TP53BP2: variants seen among roughly 807,000 people sequenced by gnomAD.
The protein encoded by TP53BP2 is tumor protein p53 binding protein 2.
Under a neutral mutation model 126.2 loss-of-function variants are expected in TP53BP2, and 62 were observed. The ratio of observed to expected loss-of-function variants is 0.49; its 90% CI spans 0.40 to 0.61. TP53BP2 has a LOEUF of 0.61. TP53BP2 is among the 20% of genes least tolerant of loss of function. The pLI, the probability that TP53BP2 is intolerant of heterozygous loss-of-function variation, is 0.00. For missense variants in TP53BP2, 1,215 were observed against 1,402.8 expected, an observed-to-expected ratio of 0.87 and a Z score of 2.14; for synonymous variants, 485 against 502.9, an observed-to-expected ratio of 0.96 and a Z score of 0.48.
chr1:223,821,950 G>A (rs1435189549), intron 1 of TP53BP2, among the ~76,000 whole-genome samples: 3 of 150,480 alleles, frequency 2.0e-5, no homozygotes, highest in Non-Finnish European at 2.9e-5. Context: ...GGAGCACAGT[G>A]GCATGATCTC....
rs1661944919 is a variant in TP53BP2 at position 223,786,108 on chromosome 1, G to C, written c.3164-1794C>G. Among the ~76,000 whole-genome samples, 3 of 152,138 alleles carry C rather than the reference G, an allele frequency of 2.0e-5. 1 individual carries two copies. Among genetic ancestry groups the C allele is most frequent in the Admixed American group, 2.0e-4 (3 of 15,276 alleles). On this transcript the variant is annotated intron_variant, in intron 16 of 17. Transcript: ENST00000343537. ...AACTACAGCTACAGGCAACACGAGT[G>C]AATCTCAAAAACCATGTTGAATGAG...
intron 2 of TP53BP2, among the ~76,000 whole-genome samples, chr1:223,818,973 A>C (rs1320247608): frequency 6.6e-6 from 1 of 151,446 alleles, no homozygotes; most frequent in Non-Finnish European, 1.5e-5. Context: ...CACCTGAGAT[A>C]GGGAGTTCGA....
At chr1:223,795,151 T>C (rs1339964105) in intron 13 of TP53BP2, among the ~76,000 whole-genome samples, 6 of 152,048 alleles carry the variant, frequency 3.9e-5, no homozygotes, top group African/African-American at 1.4e-4. Flanking sequence ...CTGGAAGGAG[T>C]GTAGAAGGTG....
chr1:223,788,095 C>T (rs1201550717), intron 16 of TP53BP2, among the ~76,000 whole-genome samples: 2 of 151,340 alleles, frequency 1.3e-5, no homozygotes, highest in Non-Finnish European at 2.9e-5. Context: ...TCACAAATAT[C>T]AGCAATTAAA....
chr1:223,810,325 GGCCATCCTTA>G (rs1377869086), intron 4 of TP53BP2, 96 bp downstream of exon 4: 4 of 701,956 alleles, frequency 5.7e-6, no homozygotes, highest in African/African-American at 5.4e-5. Flanking sequence ...TTTAAAAAGC[GGCCATCCTTA>G]GCCCATTGAA....
intron 4 of TP53BP2, among the ~76,000 whole-genome samples, chr1:223,809,037 C>T (rs370182530): frequency 3.3e-5 from 5 of 152,118 alleles, no homozygotes; most frequent in African/African-American, 1.2e-4. Flanking sequence ...GCTTTGGAAA[C>T]ACTTTGCAGC....
Position 223,816,293 on chromosome 1 carries a change from C to T in TP53BP2, c.176-1940G>A, listed in dbSNP as rs530948548. Among the ~76,000 whole-genome samples, 5 of 152,146 alleles carry T rather than the reference C, an allele frequency of 3.3e-5. No individual in the cohort carries two copies. In the South Asian group the frequency reaches 1.0e-3, roughly 32 times the overall value. ...CCGAGAAATATTCACTAAGCAAATA[C>T]ACGAGTGGGTAGTGAGGAAATGCAA... On this transcript the variant is annotated intron_variant, in intron 2 of 17. Coordinates refer to ENST00000343537, the MANE Select transcript of TP53BP2 (RefSeq NM_001031685.3).
At chr1:223,800,602 G>C in intron 10 of TP53BP2, 98 bp downstream of exon 10, 1 of 904,962 alleles carries the variant, frequency 1.1e-6, no homozygotes. Flanking sequence ...AACAAAAAAA[G>C]GAAGAAAGAA....
At chr1:223,842,983 T>C (rs188416949) in intron 1 of TP53BP2, among the ~76,000 whole-genome samples, 1 of 152,340 alleles carries the variant, frequency 6.6e-6, no homozygotes. Flanking sequence ...AGAGTAATTA[T>C]CAATCCCATT....
intron 13 of TP53BP2, 64 bp downstream of exon 13, chr1:223,795,751 C>G: frequency 7.3e-7 from 1 of 1,369,398 alleles, no homozygotes; most frequent in Non-Finnish European, 9.5e-7. Context: ...TGAATGTGAC[C>G]ACCAAGAAAA....
chr1:223,837,166 G>T (rs576509481), intron 1 of TP53BP2, among the ~76,000 whole-genome samples: 1 of 122,792 alleles, frequency 8.1e-6, no homozygotes, highest in Non-Finnish European at 1.7e-5. Flanking sequence ...GGGGGGGGGC[G>T]GGGGGTCAAG....
chr1:223,783,251 C>T (rs1350183605), intron 17 of TP53BP2, among the ~76,000 whole-genome samples: 1 of 152,156 alleles, frequency 6.6e-6, no homozygotes, highest in Non-Finnish European at 1.5e-5. Flanking sequence ...ATTCTCCAGC[C>T]CTCCCCACGT....
chr1:223,802,153 C>T lies in TP53BP2; in HGVS notation c.1188G>A (p.Leu396=). ...ASEGPMKIQT[L]PNMRSGAASQ... ...AAGCAGCCCCAGATCTCATGTTGGG[C>T]AGTGTCTGTATTTTCATCGGCCCCT... is the stretch of plus-strand genomic sequence containing the variant. Residue 396 remains leucine (L), a synonymous_variant, in exon 9 of 18, where the codon CTG becomes CTA. Coordinates refer to ENST00000343537, the MANE Select transcript of TP53BP2 (RefSeq NM_001031685.3). 1 of 1,614,142 alleles carries T rather than the reference C, an allele frequency of 6.2e-7. No homozygotes were observed. The highest frequency in any genetic ancestry group is 1.7e-5 in the Admixed American group (1 of 60,024).
chr1:223,822,258 C>T (rs2102874246), intron 1 of TP53BP2, among the ~76,000 whole-genome samples: 1 of 152,136 alleles, frequency 6.6e-6, no homozygotes, highest in Admixed American at 6.5e-5. Flanking sequence ...TAAATACCTA[C>T]TTTGAAGTAC....
intron 1 of TP53BP2, among the ~76,000 whole-genome samples, chr1:223,830,223 A>G (rs1663649078): frequency 6.6e-6 from 1 of 152,210 alleles, no homozygotes; most frequent in Non-Finnish European, 1.5e-5. Context: ...TGAGCACCCC[A>G]ATCCAAATAT....
At position 223,798,682 on chromosome 1, in the gene TP53BP2, AAC is replaced by A; in HGVS notation, c.1486-7_1486-6del. 1 of 1,586,780 alleles carries A rather than the reference AAC, an allele frequency of 6.3e-7. No individual in the cohort carries two copies. The highest frequency in any genetic ancestry group is 8.6e-7 in the Non-Finnish European group (1 of 1,166,568). On this transcript the variant is annotated splice_region_variant and splice_polypyrimidine_tract_variant and intron_variant, in intron 11 of 17. Transcript: ENST00000343537. ...AGCCACATTTTTATTTGCAACCTATAACACACACATAAAAAGCCAGTTAAAAT... is the reference window on the plus strand; with the variant it reads ...AGCCACATTTTTATTTGCAACCTATAACACACATAAAAAGCCAGTTAAAAT...
chr1:223,805,679 T>C (rs528843605), intron 5 of TP53BP2, among the ~76,000 whole-genome samples: 1 of 152,338 alleles, frequency 6.6e-6, no homozygotes, highest in South Asian at 2.1e-4. Flanking sequence ...CCAACAATTG[T>C]CTACCCCAGC....
chr1:223,811,395 CAAAT>C lies in TP53BP2; in HGVS notation c.290-886_290-883del, dbSNP rs1323588463. 1.7e-4 allele frequency among the ~76,000 whole-genome samples: 26 copies of C among 152,150 alleles called. 1 individual carries two copies. The East Asian group carries it at 3.9e-3, about 23-fold the overall frequency. ...AGCACAAATTCCCATTGCTAATAAA[CAAAT>C]AAATAAACATGTCTACTCAGAGCCA... On this transcript the variant is annotated intron_variant, in intron 3 of 17. Transcript: ENST00000343537.
At chr1:223,803,488 A>G in intron 6 of TP53BP2, 36 bp from the exon 7 acceptor site, 2 of 1,543,496 alleles carry the variant, frequency 1.3e-6, no homozygotes, top group Non-Finnish European at 1.8e-6. Flanking sequence ...ACAGTTGAAA[A>G]GAAAAATAAG....
Sources: gnomAD v4.1 joint callset for allele counts (sites outside exome capture counted in the v4.1 genomes callset) on GRCh38, gnomAD v4.1.1 for gene constraint, MANE v1.5 for transcripts, NCBI Gene and HGNC (gene_info 2026-07-23, HGNC 2026-07-21) for gene names.